The following WSCD1 variants were observed in gnomAD, a reference collection of about 807,000 sequenced individuals.
WSCD1 encodes the protein WSC domain sialate O sulfotransferase 1.
A neutral mutation model predicts 60.4 loss-of-function variants in WSCD1; 41 were observed. The observed-to-expected ratio is 0.68, with a 90% CI of 0.53 to 0.88. The LOEUF (loss-of-function observed/expected upper bound fraction) is 0.88. Among genes scored for constraint, WSCD1 ranks in the 40% least tolerant of loss-of-function variants. WSCD1 has a pLI of 0.00. For missense variants in WSCD1, 784 were observed against 796.2 expected (o/e 0.98, Z 0.18); for synonymous variants, 361 against 332.5 (o/e 1.09, Z -0.93).
chr17:6,079,025 G>T (rs1228291299), intron 1 of WSCD1, among the ~76,000 whole-genome samples: 4 of 152,074 alleles, frequency 2.6e-5, no homozygotes, highest in African/African-American at 9.7e-5. Flanking sequence ...TGCTACCTCC[G>T]CCCCAGCCTA....
At chr17:6,099,947 G>A (rs1396804724) in intron 5 of WSCD1, among the ~76,000 whole-genome samples, 1 of 152,104 alleles carries the variant, frequency 6.6e-6, no homozygotes, top group African/African-American at 2.4e-5. Flanking sequence ...ACCGGCACGA[G>A]ACCAAGAACC....
intron 1 of WSCD1, among the ~76,000 whole-genome samples, chr17:6,073,033 G>T (rs1221068758): frequency 6.6e-6 from 1 of 152,196 alleles, no homozygotes; most frequent in Non-Finnish European, 1.5e-5. Context: ...GGAGATGTGA[G>T]CTCCCTTCTA....
rs538183946 is a variant in WSCD1, at chr17:6,124,218, T to G, written c.*3557T>G. ...GTTGAATGTGAAAAAGGTAGTAGTA[T>G]TCCTGGGTCTTTATGATGACCACCT... On this transcript the variant is annotated 3_prime_UTR_variant, in exon 9 of 9. Transcript: ENST00000317744. 1 of 152,284 alleles carries G rather than the reference T, an allele frequency of 6.6e-6. No individual in the cohort carries two copies. Among genetic ancestry groups the G allele is most frequent in the African/African-American group, 2.4e-5 (1 of 41,556 alleles). The allele number at this position is 152,284 out of a possible 1,614,324, so 9.4% of individuals were successfully genotyped here.
rs756353047 is a variant in WSCD1, at chr17:6,080,884, C to T, written c.226C>T (p.Arg76Ter). Residue 76 changes from arginine to a stop codon, truncating the protein, a stop_gained, in exon 2 of 9, where the codon CGA becomes TGA. Coordinates refer to ENST00000317744, the MANE Select transcript of WSCD1 (RefSeq NM_015253.2). LOFTEE classifies it high-confidence loss of function. The surrounding 1 kb of genome is among the most constrained non-coding windows in gnomAD (Gnocchi z 6.6). ...LLDSRALHDP[R>*]VSPELLLGVD... The stretch of plus-strand genomic sequence containing the variant: ...GGACAGCAGAGCCCTGCACGACCCT[C>T]GAGTCAGCCCAGAGCTGCTGCTGGG... 2.5e-6 allele frequency: 4 copies of T among 1,602,278 alleles called. No homozygotes were observed. Among genetic ancestry groups the T allele is most frequent in the Admixed American group, 1.7e-5 (1 of 59,336 alleles).
At chr17:6,073,752 C>A (rs1032038273) in intron 1 of WSCD1, among the ~76,000 whole-genome samples, 1 of 152,256 alleles carries the variant, frequency 6.6e-6, no homozygotes, top group Non-Finnish European at 1.5e-5. Context: ...CCGGCCCCGG[C>A]GCTGGTGCTG....
At chr17:6,097,766 G>T (rs535590089) in intron 5 of WSCD1, among the ~76,000 whole-genome samples, 10 of 152,254 alleles carry the variant, frequency 6.6e-5, no homozygotes, top group African/African-American at 2.4e-4. Context: ...AACTTTGTCA[G>T]GTTGTCCTTG....
At chr17:6,076,322 A>C (rs933990508) in intron 1 of WSCD1, among the ~76,000 whole-genome samples, 1 of 152,188 alleles carries the variant, frequency 6.6e-6, no homozygotes, top group Non-Finnish European at 1.5e-5. Flanking sequence ...TCACACTGCA[A>C]ATGCTTCATA....
chr17:6,115,826 C>T (rs1159471430), intron 7 of WSCD1, among the ~76,000 whole-genome samples: 1 of 152,068 alleles, frequency 6.6e-6, no homozygotes, highest in Non-Finnish European at 1.5e-5. Context: ...AAACTCCTGA[C>T]CTCAATTGAT....
chr17:6,092,826 G>T (rs182593089), intron 4 of WSCD1, among the ~76,000 whole-genome samples: 1 of 152,300 alleles, frequency 6.6e-6, no homozygotes, highest in African/African-American at 2.4e-5. Context: ...GCCAGCCCTA[G>T]ATCCGGAGTT....
rs145549065 is a variant in WSCD1 at position 6,120,218 on chromosome 17, G to A, written c.1376-91G>A. 2,821 of 1,383,054 alleles carry A rather than the reference G, an allele frequency of 2.0e-3. 11 individuals carry two copies. The highest frequency in any genetic ancestry group is 0.013 in the Middle Eastern group (64 of 4,862). 85.7% of individuals were successfully genotyped at this position (1,383,054 alleles called of 1,614,324 possible). A position where few individuals can be genotyped will look rare whatever the true frequency, so the allele number is the denominator to read the frequency against. Reference sequence around the variant, plus strand: ...TAGGCAGTGGACAGTGGAAAACCCTGCCCACTTCCCTCTCCCGAGCAGCCC... The same window carrying A: ...TAGGCAGTGGACAGTGGAAAACCCTACCCACTTCCCTCTCCCGAGCAGCCC... On this transcript the variant is annotated intron_variant, in intron 8 of 8. Coordinates refer to ENST00000317744, the MANE Select transcript of WSCD1 (RefSeq NM_015253.2).
intron 2 of WSCD1, among the ~76,000 whole-genome samples, chr17:6,081,619 C>G (rs186742931): frequency 2.6e-5 from 4 of 151,480 alleles, no homozygotes; most frequent in African/African-American, 9.7e-5. Flanking sequence ...GCTGAGGTAC[C>G]AGAATCGCTG....
chr17:6,111,479 T>C (rs1911403558), intron 7 of WSCD1, among the ~76,000 whole-genome samples: 1 of 152,058 alleles, frequency 6.6e-6, no homozygotes, highest in Non-Finnish European at 1.5e-5. Flanking sequence ...GGTGGGTGGA[T>C]CGCCTGAGGT....
intron 5 of WSCD1, among the ~76,000 whole-genome samples, chr17:6,105,275 T>A (rs1451398451): frequency 1.3e-5 from 2 of 152,200 alleles, no homozygotes; most frequent in African/African-American, 4.8e-5. Flanking sequence ...CTTTCTGCCC[T>A]CGGACACAGG....
chr17:6,080,764 C>T lies in WSCD1; in HGVS notation c.106C>T (p.Gln36Ter). ...YLMTGSLLLL[Q>*]RVRVALPQGP... The stretch of plus-strand genomic sequence containing the variant: ...GATGACCGGCAGCCTGCTGCTGCTG[C>T]AGCGGGTCCGCGTGGCTCTCCCACA... Residue 36 changes from glutamine (Q) to a stop codon, truncating the protein, a stop_gained, in exon 2 of 9, where the codon CAG (glutamine) becomes TAG (stop). Transcript: ENST00000317744. LOFTEE classifies it high-confidence loss of function. This position sits in a 1 kb window ranked among gnomAD's most constrained non-coding sequence, Gnocchi z 6.6. The T allele has an allele frequency of 6.2e-7, 1 of 1,612,410 alleles. No individual in the cohort carries two copies. Among genetic ancestry groups the T allele is most frequent in the Non-Finnish European group, 8.5e-7 (1 of 1,179,642 alleles).
At chr17:6,091,684 G>C (rs1910052664) in intron 4 of WSCD1, among the ~76,000 whole-genome samples, 1 of 152,216 alleles carries the variant, frequency 6.6e-6, no homozygotes, top group Non-Finnish European at 1.5e-5. Flanking sequence ...GGGAGAGGCA[G>C]ATTGGGAAGG....
chr17:6,119,785 G>A lies in WSCD1; in HGVS notation c.1376-524G>A, dbSNP rs547051225. On this transcript the variant is annotated intron_variant, in intron 8 of 8. Transcript: ENST00000317744. ...ATTAGAGAAAGCAAACGCTTCAGAC[G>A]GCGTTTGAGGTGTGTTAATAGCCCA... 1.6e-4 allele frequency among the ~76,000 whole-genome samples: 25 copies of A among 152,222 alleles called. No homozygotes were observed. In the South Asian group the frequency reaches 4.8e-3, roughly 29 times the overall value.
Position 6,110,790 on chromosome 17 carries a change from G to A in WSCD1, c.1029G>A (p.Arg343=), listed in dbSNP as rs1911364426. The part of the protein sequence containing the change: ...TPVQDTRCTD[R]RFLPNKSKVF... ...TTTCAGACACTCGTTGTACAGACAG[G>A]AGGTTCCTGCCTAACAAATCCAAAG... is the stretch of plus-strand genomic sequence containing the variant. Residue 343 remains arginine, a synonymous_variant, in exon 7 of 9, where the codon AGG becomes AGA. Coordinates refer to ENST00000317744, the MANE Select transcript of WSCD1 (RefSeq NM_015253.2). This position sits in a 1 kb window ranked among gnomAD's most constrained non-coding sequence, Gnocchi z 4.8. 2 of 1,613,564 alleles carry A rather than the reference G, an allele frequency of 1.2e-6. No individual in the cohort carries two copies. Among genetic ancestry groups the A allele is most frequent in the Non-Finnish European group, 1.7e-6 (2 of 1,179,584 alleles).
chr17:6,074,941 T>C (rs1376576068), intron 1 of WSCD1, among the ~76,000 whole-genome samples: 1 of 150,350 alleles, frequency 6.7e-6, no homozygotes, highest in Non-Finnish European at 1.5e-5. Context: ...CTGAGCGGGG[T>C]AGGGGCAGGG....
Position 6,084,592 on chromosome 17 carries a change from A to G in WSCD1, c.428-3398A>G, listed in dbSNP as rs568040733. On this transcript the variant is annotated intron_variant, in intron 2 of 8. Transcript: ENST00000317744. ...CCTTGGACAACATCCATAATGGAAT[A>G]AAATGTCTGTAAGTTTACTAGGGGA... Among the ~76,000 whole-genome samples the G allele has an allele frequency of 3.9e-5, 6 of 152,394 alleles. No individual in the cohort carries two copies. In the South Asian group the frequency reaches 1.2e-3, roughly 32 times the overall value.
Sources: allele counts gnomAD v4.1 joint callset (sites outside exome capture counted in the v4.1 genomes callset), GRCh38; gene constraint gnomAD v4.1.1; non-coding constraint Gnocchi (gnomAD v3.1); transcripts MANE v1.5; gene names NCBI Gene and HGNC (gene_info 2026-07-23, HGNC 2026-07-21).